The following MELK variants were observed in gnomAD, a reference collection of about 807,000 sequenced individuals.
The protein encoded by MELK is maternal embryonic leucine zipper kinase.
MELK carries 81 observed loss-of-function variants against 85.0 expected under a neutral mutation model. The observed-to-expected ratio is 0.95, with a 90% CI of 0.80 to 1.15. MELK has a LOEUF of 1.15. MELK is among the 50% of genes most tolerant of loss of function. The probability of loss-of-function intolerance (pLI) is 0.00; values close to 1 mark genes in which losing one functional copy is unlikely to be tolerated. For synonymous variants in MELK, 252 were observed against 265.0 expected, an observed-to-expected ratio of 0.95 and a Z score of 0.48; for missense variants, 754 against 777.5, an observed-to-expected ratio of 0.97 and a Z score of 0.36.
At chr9:36,620,548 C>CTT (rs747925440) in intron 8 of MELK, among the ~76,000 whole-genome samples, 58 of 128,504 alleles carry the variant, frequency 4.5e-4, no homozygotes, top group Non-Finnish European at 6.3e-4. Flanking sequence ...CATTCTCTTC[C>CTT]TTTTTTTTTT....
chr9:36,655,240 G>A (rs1263029186), intron 12 of MELK, among the ~76,000 whole-genome samples: 1 of 152,160 alleles, frequency 6.6e-6, no homozygotes, highest in East Asian at 1.9e-4. Flanking sequence ...CAGAGAAGTG[G>A]CCAGAGGTGT....
intron 3 of MELK, among the ~76,000 whole-genome samples, chr9:36,588,216 C>G (rs1823149712): frequency 6.7e-6 from 1 of 148,774 alleles, no homozygotes; most frequent in Non-Finnish European, 1.5e-5. Context: ...GCCACCATGC[C>G]CGGCTAATTT....
In MELK at chr9:36,630,343, T is replaced by C. The variant is rs761584593; in HGVS notation, c.711T>C (p.Ile237=). The C allele has an allele frequency of 1.9e-6, 3 of 1,611,616 alleles. No homozygotes were observed. Among genetic ancestry groups the C allele is most frequent in the Non-Finnish European group, 2.5e-6 (3 of 1,178,504 alleles). Residue 237 remains isoleucine (I), a synonymous_variant, in exon 9 of 18, where the codon ATT becomes ATC. Transcript: ENST00000298048. ...CCAAGTGGCTCTCTCCCAGTAGCAT[T>C]CTGCTTCTTCAACAAATGCTGCAGG... The part of the protein sequence containing the change: ...DVPKWLSPSS[I]LLLQQMLQVD...
intron 8 of MELK, among the ~76,000 whole-genome samples, chr9:36,616,021 G>A (rs1826721488): frequency 6.6e-6 from 1 of 152,096 alleles, no homozygotes; most frequent in Non-Finnish European, 1.5e-5. Flanking sequence ...CCTTGCCCTC[G>A]GGCCCCGCGG....
intron 15 of MELK, among the ~76,000 whole-genome samples, chr9:36,670,120 G>A (rs1452434237): frequency 1.3e-5 from 2 of 152,118 alleles, no homozygotes; most frequent in African/African-American, 4.8e-5. Context: ...ATTGAAAAAT[G>A]CATTCAGGTT....
chr9:36,632,251 A>C (rs1828710327), intron 9 of MELK, among the ~76,000 whole-genome samples: 1 of 152,142 alleles, frequency 6.6e-6, no homozygotes, highest in Non-Finnish European at 1.5e-5. Context: ...GATTTATTGG[A>C]ATGAGCCTCT....
intron 9 of MELK, among the ~76,000 whole-genome samples, chr9:36,631,699 C>T (rs904247867): frequency 6.6e-6 from 1 of 152,196 alleles, no homozygotes; most frequent in African/African-American, 2.4e-5. Flanking sequence ...TTCAGCCTCC[C>T]AAGTAACTGG....
At chr9:36,653,287 C>T (rs1300998268) in intron 12 of MELK, among the ~76,000 whole-genome samples, 2 of 152,130 alleles carry the variant, frequency 1.3e-5, no homozygotes, top group Non-Finnish European at 2.9e-5. Context: ...GCTGGGATTA[C>T]AGGTGTGTGC....
chr9:36,622,514 A>G (rs1396195005), intron 8 of MELK, among the ~76,000 whole-genome samples: 3 of 152,212 alleles, frequency 2.0e-5, no homozygotes, highest in Admixed American at 6.5e-5. Flanking sequence ...ACTTTCTAGC[A>G]TGATTACTAA....
At chr9:36,625,147 C>G (rs983714861) in intron 8 of MELK, among the ~76,000 whole-genome samples, 4 of 152,026 alleles carry the variant, frequency 2.6e-5, no homozygotes, top group African/African-American at 9.7e-5. Context: ...GGAAGACCAC[C>G]CAGAGTACAG....
intron 1 of MELK, among the ~76,000 whole-genome samples, chr9:36,575,099 C>G (rs1482515438): frequency 6.6e-6 from 1 of 152,232 alleles, no homozygotes; most frequent in Non-Finnish European, 1.5e-5. Context: ...CGCCACTGCA[C>G]TCCAGCCTGG....
intron 3 of MELK, among the ~76,000 whole-genome samples, chr9:36,587,008 C>T (rs1207563589): frequency 6.6e-6 from 1 of 151,848 alleles, no homozygotes; most frequent in East Asian, 1.9e-4. Context: ...ACCACCACGC[C>T]CAGCTAATTT....
intron 8 of MELK, among the ~76,000 whole-genome samples, chr9:36,617,330 TTTTC>T (rs1826933448): frequency 6.6e-6 from 1 of 152,078 alleles, no homozygotes; most frequent in Admixed American, 6.6e-5. Flanking sequence ...CTTTTTCTTT[TTTTC>T]TTTCTTTTTT....
chr9:36,640,977 A>G (rs1338266679), intron 10 of MELK, among the ~76,000 whole-genome samples: 1 of 152,194 alleles, frequency 6.6e-6, no homozygotes, highest in African/African-American at 2.4e-5. Context: ...GAAGCTCATG[A>G]TATTGCCCTG....
At chr9:36,595,959 G>A (rs1824176553) in intron 5 of MELK, among the ~76,000 whole-genome samples, 2 of 151,978 alleles carry the variant, frequency 1.3e-5, no homozygotes. Flanking sequence ...GGAATTACAG[G>A]TGCCTGCCAC....
At chr9:36,668,455 C>G (rs1262218578) in intron 14 of MELK, among the ~76,000 whole-genome samples, 12 of 152,124 alleles carry the variant, frequency 7.9e-5, no homozygotes, top group Admixed American at 7.9e-4. Flanking sequence ...TGCAAATACC[C>G]TACTTAGAAT....
At chr9:36,629,766 C>T (rs967944184) in intron 8 of MELK, among the ~76,000 whole-genome samples, 9 of 151,760 alleles carry the variant, frequency 5.9e-5, no homozygotes, top group African/African-American at 2.2e-4. Flanking sequence ...GTGCTCTAGC[C>T]CTTCTCTGAT....
intron 8 of MELK, among the ~76,000 whole-genome samples, chr9:36,618,474 G>T (rs1378664202): frequency 6.6e-6 from 1 of 151,698 alleles, no homozygotes; most frequent in Non-Finnish European, 1.5e-5. Context: ...CTTAAGATTT[G>T]AGGTTCATTT....
chr9:36,618,832 C>T (rs898176168), intron 8 of MELK, among the ~76,000 whole-genome samples: 5 of 152,028 alleles, frequency 3.3e-5, no homozygotes, highest in African/African-American at 4.8e-5. Flanking sequence ...GACTAGTGAG[C>T]GTACTAGTGC....
Sources: gnomAD v4.1 joint callset for allele counts (sites outside exome capture counted in the v4.1 genomes callset) on GRCh38, gnomAD v4.1.1 for gene constraint, MANE v1.5 for transcripts, NCBI Gene and HGNC (gene_info 2026-07-23, HGNC 2026-07-21) for gene names.